The following THBS4 variants were observed in gnomAD, a reference collection of about 807,000 sequenced individuals.
The protein encoded by THBS4 is thrombospondin-4.
Under a neutral mutation model 115.7 loss-of-function variants are expected in THBS4, and 90 were observed. That is an observed-to-expected ratio of 0.78 (90% CI 0.66 to 0.93). The LOEUF (loss-of-function observed/expected upper bound fraction) is 0.93. Among genes scored for constraint, THBS4 ranks in the 40% least tolerant of loss-of-function variants. The pLI is 0.00. For missense variants in THBS4, 1,087 were observed against 1,232.7 expected (o/e 0.88, Z 1.77); for synonymous variants, 460 against 479.3 (o/e 0.96, Z 0.53).
chr5:80,067,396 T>C (rs897536828), intron 9 of THBS4: 7 of 151,780 alleles, frequency 4.6e-5, no homozygotes, highest in African/African-American at 1.7e-4. Flanking sequence ...TGTGATAATA[T>C]ATATTATATA....
chr5:80,062,045 A>C (rs572857478), intron 8 of THBS4, among the ~76,000 whole-genome samples: 2 of 152,356 alleles, frequency 1.3e-5, no homozygotes, highest in East Asian at 3.9e-4. Context: ...AAGAGGGGAT[A>C]ATAGAGTATC....
chr5:80,024,748 C>A (rs1561297314), intron 2 of THBS4, among the ~76,000 whole-genome samples: 1 of 152,196 alleles, frequency 6.6e-6, no homozygotes, highest in Non-Finnish European at 1.5e-5. Flanking sequence ...TTTTTGGCTT[C>A]ACATAATATG....
chr5:80,051,526 T>C (rs1321332395), intron 2 of THBS4, among the ~76,000 whole-genome samples: 1 of 152,162 alleles, frequency 6.6e-6, no homozygotes, highest in African/African-American at 2.4e-5. Flanking sequence ...TGCGTTTTCT[T>C]TTGCTATTGT....
intron 2 of THBS4, among the ~76,000 whole-genome samples, chr5:80,044,872 A>T (rs929063635): frequency 5.3e-5 from 8 of 152,328 alleles, no homozygotes; most frequent in Admixed American, 3.9e-4. Context: ...AGCATCCTGC[A>T]GAAACCACCT....
At position 80,067,719 on chromosome 5, in the gene THBS4, G is replaced by T. The variant is rs182349303; in HGVS notation, c.1195-254G>T. On this transcript the variant is annotated intron_variant, in intron 9 of 21. Coordinates refer to ENST00000350881, the MANE Select transcript of THBS4 (RefSeq NM_003248.6). ...TGGCGCGGGCAACTCAGTGTCATTGGTTCACAGTCCAGCCTTCTTCCTTCA... is the reference window on the plus strand; with the variant it reads ...TGGCGCGGGCAACTCAGTGTCATTGTTTCACAGTCCAGCCTTCTTCCTTCA... The T allele has an allele frequency of 6.2e-5, 24 of 388,130 alleles. No individual in the cohort carries two copies. In the East Asian group the frequency reaches 1.0e-3, roughly 16 times the overall value. The allele number at this position is 388,130 out of a possible 1,614,324, so 24.0% of individuals were successfully genotyped here.
Position 80,079,157 on chromosome 5 carries a change from G to C in THBS4, c.2410G>C (p.Asp804His), listed in dbSNP as rs1743367395. 1 of 1,614,100 alleles carries C rather than the reference G, an allele frequency of 6.2e-7. No individual in the cohort carries two copies. The highest frequency in any genetic ancestry group is 8.5e-7 in the Non-Finnish European group (1 of 1,180,052). The change falls in exon 19 of 22, where the codon GAT becomes CAT. Residue 804 changes from aspartate (D) to histidine (H), a missense_variant. By Grantham distance (81) the Asp-to-His change is moderately conservative. Coordinates refer to ENST00000350881, the MANE Select transcript of THBS4 (RefSeq NM_003248.6). ...TGCAGGCTTTATCTTTGGCTACCAA[G>C]ATAGCTCCAGCTTCTACGTGGTCAT... ...DYAGFIFGYQ[D>H]SSSFYVVMWK... is the part of the protein sequence containing the mutation.
intron 2 of THBS4, chr5:80,019,481 G>C (rs762240087): frequency 6.6e-6 from 1 of 152,194 alleles, no homozygotes; most frequent in Non-Finnish European, 1.5e-5. Flanking sequence ...TCTTAGGTGA[G>C]ATAAGGATAT....
Position 80,035,537 on chromosome 5 carries a change from C to A in THBS4, c.-1C>A. ...CCTCGCGGGGAGCAGGAAGAGCCAA[C>A]ATGCTGGCCCCGCGCGGAGCCGCCG... On this transcript the variant is annotated 5_prime_UTR_variant, in exon 1 of 22. Coordinates refer to ENST00000350881, the MANE Select transcript of THBS4 (RefSeq NM_003248.6). The surrounding 1 kb of genome is among the most constrained non-coding windows in gnomAD (Gnocchi z 4.6). 1 of 1,385,204 alleles carries A rather than the reference C, an allele frequency of 7.2e-7. No homozygotes were observed. The highest frequency in any genetic ancestry group is 9.4e-7 in the Non-Finnish European group (1 of 1,068,644). 85.8% of individuals were successfully genotyped at this position (1,385,204 alleles called of 1,614,324 possible). A position where few individuals can be genotyped will look rare whatever the true frequency, so the allele number is the denominator to read the frequency against.
chr5:80,035,447 C>A lies in THBS4; in HGVS notation c.-91C>A. ...GTCACCTGCGGCGCCGGCCCGGGCG[C>A]CGACCGAGGTTCAACGCACGGCCCG... is the stretch of plus-strand genomic sequence containing the variant. On this transcript the variant is annotated 5_prime_UTR_variant, in exon 1 of 22. Coordinates refer to ENST00000350881, the MANE Select transcript of THBS4 (RefSeq NM_003248.6). This position sits in a 1 kb window ranked among gnomAD's most constrained non-coding sequence, Gnocchi z 4.6. The A allele has an allele frequency of 1.1e-6, 1 of 939,056 alleles. No individual in the cohort carries two copies. The highest frequency in any genetic ancestry group is 1.4e-6 in the Non-Finnish European group (1 of 725,768). 58.2% of individuals were successfully genotyped at this position (939,056 alleles called of 1,614,324 possible).
intron 2 of THBS4, among the ~76,000 whole-genome samples, chr5:80,049,769 CATT>C (rs1162987058): frequency 6.6e-6 from 1 of 152,116 alleles, no homozygotes; most frequent in South Asian, 2.1e-4. Flanking sequence ...GGAGTTGAAA[CATT>C]ATTTAGAATC....
chr5:80,078,484 T>C (rs17879739), intron 17 of THBS4, among the ~76,000 whole-genome samples: 24 of 152,244 alleles, frequency 1.6e-4, no homozygotes, highest in African/African-American at 5.5e-4. Context: ...TGACTGGAAT[T>C]GGGACCCAGG....
At chr5:80,052,353 TAAATA>T in intron 2 of THBS4, 1 of 152,348 alleles carries the variant, frequency 6.6e-6, no homozygotes, top group African/African-American at 2.4e-5. Context: ...CAATTAATAT[TAAATA>T]AAAGGAGAAG....
At chr5:80,073,188 C>A in intron 14 of THBS4, 87 bp from the exon 15 acceptor site, 1 of 1,370,854 alleles carries the variant, frequency 7.3e-7, no homozygotes, top group Non-Finnish European at 1.0e-6. Context: ...TCCCCAAATC[C>A]AATGATGATG....
At chr5:80,034,986 AGG>A (rs963414704), upstream of THBS4, among the ~76,000 whole-genome samples, 4 of 152,304 alleles carry the variant, frequency 2.6e-5, no homozygotes, top group Admixed American at 2.0e-4. Flanking sequence ...CGCAAGGAGT[AGG>A]GGACTGAAGG....
At chr5:80,020,033 T>A (rs1262140934) in intron 2 of THBS4, 1 of 153,290 alleles carries the variant, frequency 6.5e-6, no homozygotes, top group Non-Finnish European at 1.5e-5. Context: ...GCTTTGTCTT[T>A]GCCATTTGCT....
At chr5:80,024,253 A>G (rs1671133092) in intron 2 of THBS4, among the ~76,000 whole-genome samples, 1 of 152,190 alleles carries the variant, frequency 6.6e-6, no homozygotes, top group Non-Finnish European at 1.5e-5. Flanking sequence ...AAGGTCATAT[A>G]GTCATGGAGC....
intron 2 of THBS4, among the ~76,000 whole-genome samples, chr5:80,024,129 C>A (rs918721946): frequency 6.6e-6 from 1 of 152,140 alleles, no homozygotes; most frequent in African/African-American, 2.4e-5. Flanking sequence ...TTATATTCAT[C>A]CTCCAACTAA....
Position 80,055,854 on chromosome 5 carries a change from A to G in THBS4, c.362A>G (p.Asp121Gly). 6.2e-7 allele frequency: 1 copy of G among 1,614,168 alleles called. No individual in the cohort carries two copies. Among genetic ancestry groups the G allele is most frequent in the Non-Finnish European group, 8.5e-7 (1 of 1,180,010 alleles). ...GTTTTCAACAACCTGCAGCTGGCAG[A>G]CGGAAGGCGGCACAGGATCCTCCTG... ...LVVFNNLQLA[D>G]GRRHRILLRL... The change falls in exon 3 of 22, where the codon GAC (aspartate) becomes GGC (glycine). Residue 121 changes from aspartate (D) to glycine (G), a missense_variant. By Grantham distance (94) the Asp-to-Gly change is moderately conservative. Around this residue, in one of 3 missense-constraint regions of THBS4, gnomAD observed 979 missense variants for 1,103.7 expected, o/e 0.89. Transcript: ENST00000350881.
chr5:79,994,234 T>A (rs1467500895), intron 1 of THBS4, among the ~76,000 whole-genome samples: 1 of 152,218 alleles, frequency 6.6e-6, no homozygotes, highest in Non-Finnish European at 1.5e-5. Flanking sequence ...CTAACATCTT[T>A]GTGTCCCTCC....
Sources: allele counts gnomAD v4.1 joint callset (sites outside exome capture counted in the v4.1 genomes callset), GRCh38; gene constraint gnomAD v4.1.1; regional missense constraint gnomAD v4.1.1; non-coding constraint Gnocchi (gnomAD v3.1); transcripts MANE v1.5; gene names NCBI Gene and HGNC (gene_info 2026-07-23, HGNC 2026-07-21).